The following MITF variants were observed in gnomAD, a reference collection of about 807,000 sequenced individuals.
MITF encodes the protein melanocyte inducing transcription factor.
MITF carries 17 observed loss-of-function variants against 60.5 expected under a neutral mutation model. That is an observed-to-expected ratio of 0.28 (90% confidence interval 0.19 to 0.42). MITF has a LOEUF of 0.42. MITF is among the 10% of genes least tolerant of loss of function. The probability of loss-of-function intolerance (pLI) is 1.00; values close to 1 mark genes in which losing one functional copy is unlikely to be tolerated. For missense variants in MITF, 622 were observed against 683.5 expected (o/e 0.91, Z 1.00); for synonymous variants, 260 against 248.5 (o/e 1.05, Z -0.43).
intron 1 of MITF, among the ~76,000 whole-genome samples, chr3:69,806,860 C>T (rs1161105476): frequency 6.6e-6 from 1 of 152,064 alleles, no homozygotes; most frequent in Non-Finnish European, 1.5e-5. Flanking sequence ...GTAATGAAAA[C>T]CACAGTTATT....
chr3:69,959,156 C>T, intron 8 of MITF, 117 bp from the exon 9 acceptor site: 1 of 1,246,070 alleles, frequency 8.0e-7, no homozygotes, highest in Non-Finnish European at 1.1e-6. Context: ...TCCCCCAAAA[C>T]TATTGAAATA....
intron 2 of MITF, chr3:69,936,524 G>A (rs536905563): frequency 6.3e-6 from 8 of 1,269,602 alleles, no homozygotes; most frequent in East Asian, 5.5e-5. Context: ...TTATGTGAAC[G>A]TTTTTTTTTA....
chr3:69,825,065 G>C (rs1390817898), intron 1 of MITF, among the ~76,000 whole-genome samples: 4 of 152,072 alleles, frequency 2.6e-5, no homozygotes, highest in Admixed American at 1.3e-4. Flanking sequence ...TCTTGTTATA[G>C]TTAGTAATTT....
intron 2 of MITF, among the ~76,000 whole-genome samples, chr3:69,881,452 A>G (rs867979790): frequency 6.6e-6 from 1 of 152,100 alleles, no homozygotes; most frequent in Admixed American, 6.5e-5. Context: ...GAAGAAACAA[A>G]TAAGAATACA....
chr3:69,916,514 C>A (rs908501857), intron 2 of MITF, among the ~76,000 whole-genome samples: 1 of 151,978 alleles, frequency 6.6e-6, no homozygotes. Context: ...TTTACAAGTT[C>A]GGAATTGAGT....
intron 1 of MITF, among the ~76,000 whole-genome samples, chr3:69,832,587 T>A (rs1334453532): frequency 6.6e-6 from 1 of 152,244 alleles, no homozygotes; most frequent in African/African-American, 2.4e-5. Flanking sequence ...TAGCTTGCTG[T>A]TTTCCTATGA....
intron 1 of MITF, among the ~76,000 whole-genome samples, chr3:69,863,988 T>C (rs2064064563): frequency 6.6e-6 from 1 of 152,218 alleles, no homozygotes; most frequent in South Asian, 2.1e-4. Context: ...TTCTCTTAGT[T>C]CTCTAGATTG....
chr3:69,778,117 T>A (rs1183664337), intron 1 of MITF, among the ~76,000 whole-genome samples: 2 of 152,088 alleles, frequency 1.3e-5, no homozygotes, highest in South Asian at 2.1e-4. Flanking sequence ...GGGTGGGTGA[T>A]TCGTTGGACT....
intron 1 of MITF, chr3:69,778,770 C>T (rs1432011313): frequency 6.6e-6 from 1 of 152,036 alleles, no homozygotes; most frequent in Non-Finnish European, 1.5e-5. Flanking sequence ...ATACATTTTT[C>T]CCTGATTAAA....
At chr3:69,953,909 C>A (rs1326672744) in intron 7 of MITF, among the ~76,000 whole-genome samples, 1 of 152,010 alleles carries the variant, frequency 6.6e-6, no homozygotes, top group Non-Finnish European at 1.5e-5. Context: ...TGGGGAGAGA[C>A]GTGCTTGTCT....
Position 69,959,305 on chromosome 3 carries a change from A to G in MITF, c.1064A>G (p.Lys355Arg), listed in dbSNP as rs751147980. The change falls in exon 9 of 10, where the codon AAA (lysine) becomes AGA (arginine). Residue 355 changes from lysine to arginine, a missense_variant. Around this residue, in one of 5 missense-constraint regions of MITF, gnomAD observed 31 missense variants for 74.8 expected, o/e 0.41. Transcript: ENST00000352241. The part of the protein sequence containing the change: ...DMRWNKGTIL[K>R]ASVDYIRKLQ... The stretch of plus-strand genomic sequence containing the variant: ...CGCTGGAACAAGGGAACCATCTTAA[A>G]AGCATCCGTGGACTATATCCGAAAG... 2.6e-5 allele frequency: 42 copies of G among 1,614,002 alleles called. No individual in the cohort carries two copies. Among genetic ancestry groups the G allele is most frequent in the Non-Finnish European group, 3.3e-5 (39 of 1,180,014 alleles).
chr3:69,845,442 C>CTTTTTTTTTTTTTT (rs751773040), intron 1 of MITF, among the ~76,000 whole-genome samples: 1 of 136,810 alleles, frequency 7.3e-6, no homozygotes, highest in Non-Finnish European at 1.5e-5. Flanking sequence ...TTTTTTCTTT[C>CTTTTTTTTTTTTTT]TTTTTTTTTT....
chr3:69,880,696 A>C (rs973664365), intron 2 of MITF, among the ~76,000 whole-genome samples: 2 of 152,096 alleles, frequency 1.3e-5, no homozygotes, highest in African/African-American at 4.8e-5. Flanking sequence ...TTATAGATTT[A>C]AGAATTATTT....
intron 1 of MITF, among the ~76,000 whole-genome samples, chr3:69,767,312 A>C (rs1420350241): frequency 6.6e-6 from 1 of 152,118 alleles, no homozygotes; most frequent in Non-Finnish European, 1.5e-5. Flanking sequence ...TAAAGACAAA[A>C]GATGGAGGGG....
At chr3:69,935,819 T>G (rs1475261887) in intron 2 of MITF, among the ~76,000 whole-genome samples, 3 of 152,204 alleles carry the variant, frequency 2.0e-5, no homozygotes, top group African/African-American at 7.2e-5. Context: ...GTACAGTGTT[T>G]AGCACTTAAC....
At chr3:69,955,178 A>C in intron 7 of MITF, among the ~76,000 whole-genome samples, 1 of 152,268 alleles carries the variant, frequency 6.6e-6, no homozygotes, top group East Asian at 1.9e-4. Context: ...GCCATTCACC[A>C]CTGGTGCCTA....
intron 1 of MITF, among the ~76,000 whole-genome samples, chr3:69,786,435 T>A (rs1020318975): frequency 1.3e-5 from 2 of 150,916 alleles, no homozygotes; most frequent in Non-Finnish European, 2.9e-5. Context: ...CTTCATAATG[T>A]TCATATCAAA....
chr3:69,818,490 T>A (rs2063216401), intron 1 of MITF, among the ~76,000 whole-genome samples: 1 of 152,196 alleles, frequency 6.6e-6, no homozygotes, highest in Non-Finnish European at 1.5e-5. Context: ...GTATGCTTTC[T>A]ACAATTTTCC....
At chr3:69,898,071 T>C (rs957113057) in intron 2 of MITF, among the ~76,000 whole-genome samples, 1 of 152,200 alleles carries the variant, frequency 6.6e-6, no homozygotes, top group Non-Finnish European at 1.5e-5. Context: ...ACATGTTAAT[T>C]AAATAATCAC....
Sources: gnomAD v4.1 joint callset for allele counts (sites outside exome capture counted in the v4.1 genomes callset) on GRCh38, gnomAD v4.1.1 for gene constraint, gnomAD v4.1.1 regional missense constraint, MANE v1.5 for transcripts, NCBI Gene and HGNC (gene_info 2026-07-23, HGNC 2026-07-21) for gene names.